INPP4B: variants seen among roughly 807,000 people sequenced by gnomAD.
INPP4B encodes inositol polyphosphate-4-phosphatase type II B.
In INPP4B, 55 loss-of-function variants were observed where a neutral mutation model predicts 122.5. The observed-to-expected ratio is 0.45, with a 90% confidence interval of 0.36 to 0.56. The LOEUF is 0.56. Among genes scored for constraint, INPP4B ranks in the 20% least tolerant of loss-of-function variants. The pLI is 0.00. For missense variants in INPP4B, 1,000 were observed against 1,097.7 expected (o/e 0.91, Z 1.26); for synonymous variants, 403 against 388.7 (o/e 1.04, Z -0.43).
At chr4:142,736,842 A>G (rs548771892) in intron 1 of INPP4B, among the ~76,000 whole-genome samples, 1 of 152,258 alleles carries the variant, frequency 6.6e-6, no homozygotes, top group Admixed American at 6.5e-5. Context: ...TATGTTGAAT[A>G]GGACTGGTGA....
chr4:142,404,343 A>C (rs553475594), intron 6 of INPP4B, among the ~76,000 whole-genome samples: 16 of 152,232 alleles, frequency 1.1e-4, no homozygotes, highest in Middle Eastern at 3.4e-3. Context: ...TTACAGAGAA[A>C]CTCCTCATTC....
rs924995312 is a variant in INPP4B at position 142,376,891 on chromosome 4, T to C, written c.372+26047A>G. Among the ~76,000 whole-genome samples, 52 of 152,054 alleles carry C rather than the reference T, an allele frequency of 3.4e-4. 1 individual carries two copies. Among genetic ancestry groups the C allele is most frequent in the Non-Finnish European group, 1.0e-4 (7 of 67,968 alleles). ...TGAGGATCAAATGTGGTGCTCTCTG[T>C]ACAAATTATTTGTAATTAATGAAGT... is the stretch of plus-strand genomic sequence containing the variant. On this transcript the variant is annotated intron_variant, in intron 7 of 25. Coordinates refer to ENST00000262992, the MANE Select transcript of INPP4B (RefSeq NM_001101669.3).
intron 2 of INPP4B, among the ~76,000 whole-genome samples, chr4:142,616,919 G>A (rs1189209107): frequency 6.6e-6 from 1 of 152,002 alleles, no homozygotes; most frequent in Non-Finnish European, 1.5e-5. Flanking sequence ...TGGAATAATA[G>A]ACACTGGAGA....
chr4:142,384,943 TATGGCTGC>T lies in INPP4B; in HGVS notation c.372+17987_372+17994del, dbSNP rs1196999630. 2.0e-5 allele frequency among the ~76,000 whole-genome samples: 3 copies of T among 152,338 alleles called. 1 individual carries two copies. The highest frequency in any genetic ancestry group is 4.8e-5 in the African/African-American group (2 of 41,596). ...CAAAGGACATGATCTCATTCTTTTT[TATGGCTGC>T]ATGGCTGCATAATATTCCATGATGC... On this transcript the variant is annotated intron_variant, in intron 7 of 25. Coordinates refer to ENST00000262992, the MANE Select transcript of INPP4B (RefSeq NM_001101669.3).
At position 142,112,538 on chromosome 4, in the gene INPP4B, T is replaced by C; in HGVS notation, c.2276+4A>G. The C allele has an allele frequency of 6.2e-7, 1 of 1,612,728 alleles. No individual in the cohort carries two copies. Among genetic ancestry groups the C allele is most frequent in the Non-Finnish European group, 8.5e-7 (1 of 1,179,308 alleles). On this transcript the variant is annotated splice_donor_region_variant and intron_variant, in intron 22 of 25. Transcript: ENST00000262992. ...TCAAGTGCGACTCTTACACCAAAGC[T>C]TACCTTTCAGCCAGAGTTTGCTGTT...
At chr4:142,149,521 G>A (rs1363641126) in intron 17 of INPP4B, among the ~76,000 whole-genome samples, 1 of 152,042 alleles carries the variant, frequency 6.6e-6, no homozygotes, top group Non-Finnish European at 1.5e-5. Context: ...CACAGAAATG[G>A]GGTACACAGT....
intron 7 of INPP4B, among the ~76,000 whole-genome samples, chr4:142,335,366 T>C (rs1776244669): frequency 6.6e-6 from 1 of 152,196 alleles, no homozygotes; most frequent in Non-Finnish European, 1.5e-5. Context: ...GTTATTTTTC[T>C]AGTCCAAAAT....
chr4:142,190,134 T>C (rs1205542140), intron 15 of INPP4B, among the ~76,000 whole-genome samples: 2 of 152,168 alleles, frequency 1.3e-5, no homozygotes, highest in East Asian at 1.9e-4. Flanking sequence ...ACAGTGGCTG[T>C]GGTAGTTCCC....
chr4:142,486,036 T>C (rs1821153750), intron 2 of INPP4B, among the ~76,000 whole-genome samples: 1 of 152,072 alleles, frequency 6.6e-6, no homozygotes, highest in African/African-American at 2.4e-5. Flanking sequence ...CTCCATGTTC[T>C]CCTTCCCTCT....
At chr4:142,163,264 T>G (rs1821014091) in intron 16 of INPP4B, among the ~76,000 whole-genome samples, 1 of 151,950 alleles carries the variant, frequency 6.6e-6, no homozygotes, top group Non-Finnish European at 1.5e-5. Flanking sequence ...TGTGCAGCTG[T>G]TCTGAGTCAA....
chr4:142,553,932 T>A (rs1182578594), intron 2 of INPP4B, among the ~76,000 whole-genome samples: 1 of 152,162 alleles, frequency 6.6e-6, no homozygotes, highest in Non-Finnish European at 1.5e-5. Context: ...GGCTCACACC[T>A]GTAATCCCAG....
intron 8 of INPP4B, among the ~76,000 whole-genome samples, chr4:142,312,720 ATGGGGG>A (rs1247469410): frequency 3.3e-5 from 5 of 152,132 alleles, no homozygotes; most frequent in Non-Finnish European, 7.4e-5. Context: ...TGGTTGTGGA[ATGGGGG>A]TGGGCAGTGG....
chr4:142,818,187 C>A (rs1780347939), intron 1 of INPP4B, among the ~76,000 whole-genome samples: 1 of 152,142 alleles, frequency 6.6e-6, no homozygotes, highest in African/African-American at 2.4e-5. Context: ...GAACTATGTG[C>A]AGCTTGCATG....
At chr4:142,245,678 CTTGT>C (rs747972477) in intron 11 of INPP4B, among the ~76,000 whole-genome samples, 3 of 151,662 alleles carry the variant, frequency 2.0e-5, no homozygotes, top group Non-Finnish European at 4.4e-5. Context: ...CTCCTCTTTG[CTTGT>C]TTGTGTCAGG....
intron 12 of INPP4B, among the ~76,000 whole-genome samples, chr4:142,217,931 G>C (rs1179945762): frequency 6.6e-6 from 1 of 152,114 alleles, no homozygotes; most frequent in Non-Finnish European, 1.5e-5. Context: ...CACTCGACTG[G>C]AACTACACCA....
chr4:142,174,837 C>T (rs1221346002), intron 15 of INPP4B, among the ~76,000 whole-genome samples: 3 of 152,078 alleles, frequency 2.0e-5, no homozygotes, highest in Non-Finnish European at 2.9e-5. Context: ...ACTATGCTTG[C>T]ACAGACTGGT....
chr4:142,174,929 T>C (rs570404687), intron 15 of INPP4B, among the ~76,000 whole-genome samples: 5 of 152,092 alleles, frequency 3.3e-5, no homozygotes, highest in Non-Finnish European at 7.4e-5. Flanking sequence ...TATTGACTTT[T>C]ATAATCATCA....
Position 142,642,264 on chromosome 4 carries a change from G to T in INPP4B, c.-191+83575C>A, listed in dbSNP as rs183072380. On this transcript the variant is annotated intron_variant, in intron 2 of 25. Transcript: ENST00000262992. ...TTTCTTTTGCTGTGCAGAAGCTCTTGAGTTTAATTAGATCCCATTTGTCAA... is the reference window on the plus strand; with the variant it reads ...TTTCTTTTGCTGTGCAGAAGCTCTTTAGTTTAATTAGATCCCATTTGTCAA... 9.1e-3 allele frequency among the ~76,000 whole-genome samples: 1,379 copies of T among 152,126 alleles called. 11 individuals carry two copies. Among genetic ancestry groups the T allele is most frequent in the Non-Finnish European group, 0.013 (909 of 67,972 alleles).
chr4:142,159,857 G>A (rs1391765392), intron 17 of INPP4B, among the ~76,000 whole-genome samples: 1 of 151,832 alleles, frequency 6.6e-6, no homozygotes, highest in Non-Finnish European at 1.5e-5. Flanking sequence ...AAACTTTAGA[G>A]CACCTAGAGC....
Sources: gnomAD v4.1 joint callset for allele counts (sites outside exome capture counted in the v4.1 genomes callset) on GRCh38, gnomAD v4.1.1 for gene constraint, MANE v1.5 for transcripts, NCBI Gene and HGNC (gene_info 2026-07-23, HGNC 2026-07-21) for gene names.